DPF3: variants seen among roughly 807,000 people sequenced by gnomAD.
DPF3 encodes zinc finger protein DPF3.
DPF3 carries 18 observed loss-of-function variants against 56.8 expected under a neutral mutation model. The observed-to-expected ratio is 0.32, with a 90% CI of 0.22 to 0.47. The LOEUF (loss-of-function observed/expected upper bound fraction) is 0.47, where lower values mean the gene tolerates loss of function less well. DPF3 is among the 20% of genes least tolerant of loss of function. The pLI, the probability that DPF3 is intolerant of heterozygous loss-of-function variation, is 1.00. For synonymous variants in DPF3, 188 were observed against 180.2 expected, an observed-to-expected ratio of 1.04 and a Z score of -0.35; for missense variants, 403 against 488.8, an observed-to-expected ratio of 0.82 and a Z score of 1.65.
chr14:72,834,518 C>CA, intron 1 of DPF3, among the ~76,000 whole-genome samples: 1 of 103,710 alleles, frequency 9.6e-6, no homozygotes. Context: ...AAAAAAAAAT[C>CA]AGATACCACT....
At chr14:72,708,555 G>T (rs922524918) in intron 6 of DPF3, among the ~76,000 whole-genome samples, 1 of 152,224 alleles carries the variant, frequency 6.6e-6, no homozygotes, top group East Asian at 1.9e-4. Flanking sequence ...CGAAAAGCAC[G>T]TGAGCCTTAA....
intron 9 of DPF3, among the ~76,000 whole-genome samples, chr14:72,623,608 T>G (rs557679118): frequency 2.6e-5 from 4 of 152,340 alleles, no homozygotes; most frequent in East Asian, 1.9e-4. Flanking sequence ...AGAGCAAGAT[T>G]TTGTAACATG....
intron 10 of DPF3, 141 bp downstream of exon 10, chr14:72,619,762 G>T: frequency 1.2e-6 from 1 of 811,936 alleles, no homozygotes; most frequent in East Asian, 2.8e-5. Flanking sequence ...TACCTACCTT[G>T]TGGGGTTGTG....
rs80301694 is a variant in DPF3 at position 72,643,058 on chromosome 14, C to T, written c.872-13322G>A. Among the ~76,000 whole-genome samples, 837 of 152,326 alleles carry T rather than the reference C, an allele frequency of 5.5e-3. 4 individuals are homozygous for T. The highest frequency in any genetic ancestry group is 0.01 in the Non-Finnish European group (695 of 68,024). ...GAGGCTCAGAATGGCTCAGGCAGCC[C>T]GCAAGTAAGTAGTGGAGCCAGGGCT... On this transcript the variant is annotated intron_variant, in intron 8 of 10. Transcript: ENST00000556509.
rs991322112 is a variant in DPF3, at chr14:72,787,566, C to G, written c.33-15673G>C. Among the ~76,000 whole-genome samples the G allele has an allele frequency of 2.0e-5, 3 of 152,204 alleles. No individual in the cohort carries two copies. In the South Asian group the frequency reaches 6.2e-4, roughly 32 times the overall value. On this transcript the variant is annotated intron_variant, in intron 1 of 10. Coordinates refer to ENST00000556509, the MANE Select transcript of DPF3 (RefSeq NM_001280542.3). ...GAAAGGTTTACTAGTGTCACTCAGG[C>G]AGAGAACTTTGAGAAATAGGACCTG...
intron 8 of DPF3, among the ~76,000 whole-genome samples, chr14:72,649,079 C>T (rs1237798621): frequency 1.3e-5 from 2 of 152,158 alleles, no homozygotes; most frequent in East Asian, 3.9e-4. Context: ...TTTATGTGGA[C>T]TCACTTCCCC....
At chr14:72,774,102 T>C (rs1223878139) in intron 1 of DPF3, 5 of 391,430 alleles carry the variant, frequency 1.3e-5, no homozygotes, top group South Asian at 1.9e-5. Context: ...CTGGCCAACA[T>C]GGTGACACCC....
chr14:72,731,510 C>T (rs1313565671), intron 4 of DPF3: 6 of 318,836 alleles, frequency 1.9e-5, no homozygotes, highest in Non-Finnish European at 3.0e-5. Context: ...GTTTTGTCCA[C>T]TCTGTGTCCC....
rs572300769 is a variant in DPF3, at chr14:72,627,324, T to C, written c.984+2300A>G. Among the ~76,000 whole-genome samples, 3 of 152,256 alleles carry C rather than the reference T, an allele frequency of 2.0e-5. No homozygotes were observed. The South Asian group carries it at 6.2e-4, about 32-fold the overall frequency. On this transcript the variant is annotated intron_variant, in intron 9 of 10. Coordinates refer to ENST00000556509, the MANE Select transcript of DPF3 (RefSeq NM_001280542.3). The stretch of plus-strand genomic sequence containing the variant: ...CCCCAATGTATTTGGTGATTATTTT[T>C]ATGTATGGTGTAAGATATAAATCTA...
At chr14:72,872,799 C>G (rs1885954727) in intron 1 of DPF3, among the ~76,000 whole-genome samples, 1 of 152,166 alleles carries the variant, frequency 6.6e-6, no homozygotes, top group Admixed American at 6.5e-5. Context: ...TTTGACAAAC[C>G]TGACAAAAAC....
intron 1 of DPF3, among the ~76,000 whole-genome samples, chr14:72,845,296 G>T (rs1884705602): frequency 6.6e-6 from 1 of 152,218 alleles, no homozygotes; most frequent in South Asian, 2.1e-4. Flanking sequence ...AAACGTGGAT[G>T]AAAACCCTAG....
chr14:72,708,294 A>G (rs185673822), intron 6 of DPF3, among the ~76,000 whole-genome samples: 47 of 152,294 alleles, frequency 3.1e-4, no homozygotes, highest in Non-Finnish European at 6.8e-4. Context: ...CCATGACACA[A>G]TGGCATTTAA....
At chr14:72,684,383 C>T (rs1264182629) in intron 7 of DPF3, among the ~76,000 whole-genome samples, 1 of 152,110 alleles carries the variant, frequency 6.6e-6, no homozygotes, top group African/African-American at 2.4e-5. Flanking sequence ...TTTAACAACC[C>T]AGGCAGAAGC....
intron 4 of DPF3, among the ~76,000 whole-genome samples, chr14:72,730,800 C>G (rs1056544579): frequency 8.6e-5 from 13 of 151,942 alleles, no homozygotes; most frequent in African/African-American, 2.4e-5. Context: ...ATAATAGGAT[C>G]AATTCATATT....
chr14:72,710,302 T>C (rs929717253), intron 6 of DPF3, among the ~76,000 whole-genome samples: 1 of 152,212 alleles, frequency 6.6e-6, no homozygotes, highest in African/African-American at 2.4e-5. Context: ...AGCGATTAAG[T>C]GAATTAAAAA....
At chr14:72,808,587 G>T (rs1351760708) in intron 1 of DPF3, among the ~76,000 whole-genome samples, 2 of 152,148 alleles carry the variant, frequency 1.3e-5, no homozygotes, top group Admixed American at 6.5e-5. Flanking sequence ...AATAGTGTGT[G>T]AAAATAGTTC....
intron 3 of DPF3, among the ~76,000 whole-genome samples, chr14:72,751,954 T>C (rs1438673889): frequency 6.6e-6 from 1 of 152,172 alleles, no homozygotes; most frequent in East Asian, 1.9e-4. Context: ...ACTGGAGACT[T>C]GGGAGAGAGC....
intron 8 of DPF3, among the ~76,000 whole-genome samples, chr14:72,669,189 G>A (rs1567194761): frequency 6.6e-6 from 1 of 152,184 alleles, no homozygotes; most frequent in Non-Finnish European, 1.5e-5. Flanking sequence ...TTCTTGGCTT[G>A]TCCTTGTGTT....
intron 8 of DPF3, chr14:72,661,383 T>C: frequency 1.0e-6 from 1 of 985,288 alleles, no homozygotes; most frequent in Non-Finnish European, 1.2e-6. Flanking sequence ...CTCAGAACCA[T>C]TTCAGTAACA....
Sources: gnomAD v4.1 joint callset for allele counts (sites outside exome capture counted in the v4.1 genomes callset) on GRCh38, gnomAD v4.1.1 for gene constraint, MANE v1.5 for transcripts, NCBI Gene and HGNC (gene_info 2026-07-23, HGNC 2026-07-21) for gene names.